The following ZBTB7C variants were observed in gnomAD, a reference collection of about 807,000 sequenced individuals.
ZBTB7C encodes the protein zinc finger and BTB domain-containing protein 7C.
Under a neutral mutation model 25.7 loss-of-function variants are expected in ZBTB7C, and 8 were observed. That is an observed-to-expected ratio of 0.31 (90% confidence interval 0.18 to 0.56). The LOEUF (loss-of-function observed/expected upper bound fraction) is 0.56, where lower values mean the gene tolerates loss of function less well. ZBTB7C is among the 20% of genes least tolerant of loss of function. ZBTB7C has a pLI of 0.91. For synonymous variants in ZBTB7C, 394 were observed against 369.0 expected, an observed-to-expected ratio of 1.07 and a Z score of -0.78; for missense variants, 824 against 855.2, an observed-to-expected ratio of 0.96 and a Z score of 0.46.
chr18:48,106,345 GAA>G lies in ZBTB7C; in HGVS notation c.-16-65224_-16-65223del, dbSNP rs56291079. On this transcript the variant is annotated intron_variant, in intron 3 of 4. Transcript: ENST00000590800. ...GAATGTGCATTTCCAAAAGTGGCAA[GAA>G]AAAAAAAAAAAGAAAAAGGCAATAT... 4.1e-3 allele frequency among the ~76,000 whole-genome samples: 569 copies of G among 139,686 alleles called. 4 individuals are homozygous for G. The highest frequency in any genetic ancestry group is 0.014 in the African/African-American group (528 of 38,276). 91.6% of individuals were successfully genotyped at this position (139,686 alleles called of 152,430 possible). A position where few individuals can be genotyped will look rare whatever the true frequency, so the allele number is the denominator to read the frequency against.
chr18:48,365,207 G>T (rs1006426680), intron 1 of ZBTB7C, among the ~76,000 whole-genome samples: 1 of 152,312 alleles, frequency 6.6e-6, no homozygotes, highest in East Asian at 1.9e-4. Flanking sequence ...AAACAGTTCT[G>T]CAGGGATTAC....
At chr18:48,399,607 C>G (rs1053398544) in intron 1 of ZBTB7C, among the ~76,000 whole-genome samples, 1 of 152,152 alleles carries the variant, frequency 6.6e-6, no homozygotes, top group African/African-American at 2.4e-5. Flanking sequence ...AGCAGGACAG[C>G]CTTCCTGGGC....
At chr18:48,373,140 C>T (rs1428752385) in intron 1 of ZBTB7C, among the ~76,000 whole-genome samples, 2 of 152,204 alleles carry the variant, frequency 1.3e-5, no homozygotes, top group Admixed American at 6.5e-5. Flanking sequence ...CCATCCAAAT[C>T]TCATGTTGAA....
intron 3 of ZBTB7C, among the ~76,000 whole-genome samples, chr18:48,129,190 C>T (rs1341497896): frequency 6.6e-6 from 1 of 151,926 alleles, no homozygotes; most frequent in Non-Finnish European, 1.5e-5. Context: ...TGCAAACGCC[C>T]GTTTCACTGC....
At chr18:48,396,333 T>C (rs908693663) in intron 1 of ZBTB7C, among the ~76,000 whole-genome samples, 1 of 152,210 alleles carries the variant, frequency 6.6e-6, no homozygotes, top group Non-Finnish European at 1.5e-5. Context: ...ACATCAGAGC[T>C]ACATGAGAAA....
chr18:48,067,139 A>G (rs971717426), intron 3 of ZBTB7C, among the ~76,000 whole-genome samples: 1 of 151,648 alleles, frequency 6.6e-6, no homozygotes, highest in African/African-American at 2.4e-5. Context: ...ACCTAGCTCT[A>G]TAGCTCTATA....
At chr18:48,214,112 A>G (rs1331618734) in intron 2 of ZBTB7C, among the ~76,000 whole-genome samples, 1 of 152,222 alleles carries the variant, frequency 6.6e-6, no homozygotes, top group East Asian at 1.9e-4. Context: ...TCTCCAAGTC[A>G]ATTTTTTAAA....
intron 2 of ZBTB7C, among the ~76,000 whole-genome samples, chr18:48,277,726 A>C (rs925958989): frequency 7.2e-5 from 11 of 152,352 alleles, no homozygotes; most frequent in Admixed American, 3.3e-4. Context: ...CCCACAACAG[A>C]AATCACAAAA....
intron 3 of ZBTB7C, among the ~76,000 whole-genome samples, chr18:48,065,115 GC>G (rs886532152): frequency 6.6e-6 from 1 of 152,116 alleles, no homozygotes; most frequent in Non-Finnish European, 1.5e-5. Flanking sequence ...CACTCCCAGT[GC>G]CCCCCGCCCC....
Position 48,104,499 on chromosome 18 carries a change from G to A in ZBTB7C, c.-16-63376C>T, listed in dbSNP as rs113234128. Among the ~76,000 whole-genome samples the A allele has an allele frequency of 1.1e-3, 170 of 152,274 alleles. 2 individuals are homozygous for A. Among genetic ancestry groups the A allele is most frequent in the African/African-American group, 3.8e-3 (159 of 41,546 alleles). On this transcript the variant is annotated intron_variant, in intron 3 of 4. Coordinates refer to ENST00000590800, the MANE Select transcript of ZBTB7C (RefSeq NM_001318841.2). Reference sequence around the variant, plus strand: ...GCTTCAGGTATTCCTTTATAGCAATGCAAATGGACTAAGACATTCTGTGAA... The same window carrying A: ...GCTTCAGGTATTCCTTTATAGCAATACAAATGGACTAAGACATTCTGTGAA...
Position 48,281,265 on chromosome 18 carries a change from A to G in ZBTB7C, c.-79+56909T>C, listed in dbSNP as rs2044839408. 2.6e-5 allele frequency among the ~76,000 whole-genome samples: 4 copies of G among 152,172 alleles called. No homozygotes were observed. In the South Asian group the frequency reaches 8.3e-4, roughly 32 times the overall value. ...GAAAACTGGCTAGCCATATGGAGAA[A>G]GCTGAAACTGGATCCCTTCCTTAAA... On this transcript the variant is annotated intron_variant, in intron 2 of 4. Transcript: ENST00000590800.
chr18:48,118,001 CTTTTT>C (rs11358230), intron 3 of ZBTB7C, among the ~76,000 whole-genome samples: 3 of 128,508 alleles, frequency 2.3e-5, no homozygotes, highest in African/African-American at 5.8e-5. Context: ...TCTTCTTCTT[CTTTTT>C]TTTTTTTTTT....
chr18:48,065,843 C>T (rs1210502717), intron 3 of ZBTB7C, among the ~76,000 whole-genome samples: 3 of 152,164 alleles, frequency 2.0e-5, no homozygotes, highest in African/African-American at 7.2e-5. Flanking sequence ...CAGAGGATGC[C>T]TGCTTTCTCT....
At chr18:48,096,505 C>G (rs548686780) in intron 3 of ZBTB7C, among the ~76,000 whole-genome samples, 2 of 152,184 alleles carry the variant, frequency 1.3e-5, no homozygotes, top group South Asian at 2.1e-4. Context: ...AAATAATTAC[C>G]AGGATGTGAC....
intron 4 of ZBTB7C, 61 bp downstream of exon 4, chr18:48,039,839 A>G: frequency 6.4e-7 from 1 of 1,566,084 alleles, no homozygotes; most frequent in Non-Finnish European, 8.7e-7. Flanking sequence ...TCCCTGCCCA[A>G]CTCTGCTGTC....
intron 2 of ZBTB7C, among the ~76,000 whole-genome samples, chr18:48,276,803 T>C (rs1598758125): frequency 9.4e-6 from 1 of 106,940 alleles, no homozygotes; most frequent in Admixed American, 1.1e-4. Context: ...TATAGTCATT[T>C]GGGTATATAC....
chr18:48,130,276 A>T (rs9948682), intron 3 of ZBTB7C, among the ~76,000 whole-genome samples: 105,435 of 151,982 alleles, frequency 0.69, 36,565 homozygotes, highest in South Asian at 0.79. Flanking sequence ...ATTTGGGAAA[A>T]GTTGGTTGAA....
At chr18:48,046,499 C>T (rs1747749898) in intron 3 of ZBTB7C, among the ~76,000 whole-genome samples, 1 of 152,234 alleles carries the variant, frequency 6.6e-6, no homozygotes, top group Non-Finnish European at 1.5e-5. Context: ...AATTAGTTCT[C>T]TATGGAGAGC....
rs147733865 is a variant in ZBTB7C, at chr18:48,266,100, G to A, written c.-79+72074C>T. ...GGGGTGAGGGAAGGCTCCTTGTACT[G>A]CATTTGTGCCTTTTCTGTAAGTTTG... On this transcript the variant is annotated intron_variant, in intron 2 of 4. Coordinates refer to ENST00000590800, the MANE Select transcript of ZBTB7C (RefSeq NM_001318841.2). Among the ~76,000 whole-genome samples the A allele has an allele frequency of 2.9e-4, 44 of 152,242 alleles. No individual in the cohort carries two copies. In the East Asian group the frequency reaches 7.7e-3, roughly 27 times the overall value.
Sources: allele counts gnomAD v4.1 joint callset (sites outside exome capture counted in the v4.1 genomes callset), GRCh38; gene constraint gnomAD v4.1.1; transcripts MANE v1.5; gene names NCBI Gene and HGNC (gene_info 2026-07-23, HGNC 2026-07-21).